The following MPDZ variants were observed in gnomAD, a reference collection of about 807,000 sequenced individuals.
The protein encoded by MPDZ is multiple PDZ domain crumbs cell polarity complex component, also known as multiple PDZ domain protein.
A neutral mutation model predicts 239.1 loss-of-function variants in MPDZ; 234 were observed. The ratio of observed to expected loss-of-function variants is 0.98; its 90% CI spans 0.88 to 1.09. The LOEUF is 1.09. Among genes scored for constraint, MPDZ ranks in the 50% least tolerant of loss-of-function variants. The pLI is 0.00. For synonymous variants in MPDZ, 1,048 were observed against 881.3 expected (o/e 1.19, Z -3.35); for missense variants, 3,175 against 2,510.0 (o/e 1.26, Z -5.66).
At chr9:13,172,490 C>A (rs1430573773) in intron 21 of MPDZ, among the ~76,000 whole-genome samples, 1 of 151,254 alleles carries the variant, frequency 6.6e-6, no homozygotes, top group Non-Finnish European at 1.5e-5. Flanking sequence ...TCAAGGGATT[C>A]TCCTGCCTCA....
At position 13,158,088 on chromosome 9, in the gene MPDZ, G is replaced by A. The variant is rs369652298; in HGVS notation, c.3382C>T (p.Arg1128Ter). The A allele has an allele frequency of 1.2e-5, 19 of 1,612,204 alleles. No individual in the cohort carries two copies. Among genetic ancestry groups the A allele is most frequent in the Non-Finnish European group, 1.4e-5 (17 of 1,178,998 alleles). Reference sequence around the variant, plus strand: ...CTTTCTTCACCCTCTCCCTCTTCTCGCTCTGGTAATTCTGGAATGTCTCTG... The same window carrying A: ...CTTTCTTCACCCTCTCCCTCTTCTCACTCTGGTAATTCTGGAATGTCTCTG... ...TGRDIPELPE[R>*]EEGEGEESEL... Residue 1128 changes from arginine (R) to a stop codon, truncating the protein, a stop_gained, in exon 24 of 47, where the codon CGA (arginine) becomes TGA (stop). Transcript: ENST00000319217. LOFTEE classifies it high-confidence loss of function.
intron 24 of MPDZ, among the ~76,000 whole-genome samples, chr9:13,153,381 T>C (rs1949437836): frequency 1.3e-5 from 2 of 152,196 alleles, no homozygotes; most frequent in Non-Finnish European, 2.9e-5. Flanking sequence ...CATTGTTTTC[T>C]CTTACTCCAG....
chr9:13,250,592 G>A (rs548337591), intron 1 of MPDZ, among the ~76,000 whole-genome samples: 5 of 152,230 alleles, frequency 3.3e-5, no homozygotes, highest in African/African-American at 1.2e-4. Flanking sequence ...CTTGCATAAG[G>A]TAAAAGACAT....
At chr9:13,275,929 CA>C (rs1480230279) in intron 1 of MPDZ, among the ~76,000 whole-genome samples, 1 of 152,094 alleles carries the variant, frequency 6.6e-6, no homozygotes, top group Admixed American at 6.6e-5. Context: ...TACTTCATAT[CA>C]AAAAAACTTT....
intron 1 of MPDZ, among the ~76,000 whole-genome samples, chr9:13,272,719 AAAG>A (rs1215839979): frequency 2.6e-5 from 4 of 151,640 alleles, no homozygotes; most frequent in Admixed American, 6.6e-5. Flanking sequence ...AAAAAAAAAA[AAAG>A]AAGAACAAAA....
rs753476262 is a variant in MPDZ at position 13,142,228 on chromosome 9, GAACA to G, written c.3840+1234_3840+1237del. Among the ~76,000 whole-genome samples, 243 of 151,996 alleles carry G rather than the reference GAACA, an allele frequency of 1.6e-3. 1 individual carries two copies. The highest frequency in any genetic ancestry group is 3.4e-3 in the Middle Eastern group (1 of 292). ...TAATTTTTCTGAGCTGTTATTTTAA[GAACA>G]AACAAACAAACAAACAAAACCTGCT... On this transcript the variant is annotated intron_variant, in intron 27 of 46. Transcript: ENST00000319217.
chr9:13,147,470 C>G, intron 26 of MPDZ, 78 bp downstream of exon 26: 1 of 1,057,932 alleles, frequency 9.5e-7, no homozygotes, highest in Non-Finnish European at 1.5e-6. Flanking sequence ...CTCATACAGA[C>G]AACTTGGCCC....
At chr9:13,204,951 CAT>C (rs1456319190) in intron 12 of MPDZ, 83 bp downstream of exon 12, 71 of 867,580 alleles carry the variant, frequency 8.2e-5, no homozygotes, top group Non-Finnish European at 1.2e-4. Flanking sequence ...ACAATATATC[CAT>C]AGAGGCTTAA....
chr9:13,165,680 T>G (rs1950992413), intron 22 of MPDZ, among the ~76,000 whole-genome samples: 1 of 152,136 alleles, frequency 6.6e-6, no homozygotes, highest in Admixed American at 6.6e-5. Flanking sequence ...TCCCACACTT[T>G]AGGTTAAGGC....
intron 3 of MPDZ, among the ~76,000 whole-genome samples, chr9:13,235,883 C>A (rs1216706476): frequency 6.6e-6 from 1 of 151,986 alleles, no homozygotes; most frequent in Non-Finnish European, 1.5e-5. Context: ...ATGTAAGACT[C>A]TGACTTTTCC....
chr9:13,186,426 C>G (rs928786794), intron 17 of MPDZ, 40 bp from the exon 18 acceptor site: 1 of 1,352,614 alleles, frequency 7.4e-7, no homozygotes, highest in South Asian at 1.3e-5. Context: ...AGAGAGAGAA[C>G]AGCAAAGAAG....
At chr9:13,124,410 G>C (rs1377921976) in intron 35 of MPDZ, among the ~76,000 whole-genome samples, 2 of 152,064 alleles carry the variant, frequency 1.3e-5, no homozygotes, top group East Asian at 3.8e-4. Context: ...TTAAAAAACT[G>C]TTAAAAGAAC....
chr9:13,219,810 A>G (rs1472259660), intron 7 of MPDZ, 42 bp from the exon 8 acceptor site: 10 of 1,570,278 alleles, frequency 6.4e-6, no homozygotes, highest in Admixed American at 5.1e-5. Flanking sequence ...TTATTATTTT[A>G]ACTGCAACAG....
intron 18 of MPDZ, among the ~76,000 whole-genome samples, chr9:13,184,363 T>G (rs1953800703): frequency 6.6e-6 from 1 of 151,984 alleles, no homozygotes; most frequent in Non-Finnish European, 1.5e-5. Context: ...ACTACCTTTC[T>G]CTGATACTAC....
intron 1 of MPDZ, among the ~76,000 whole-genome samples, chr9:13,277,079 T>C (rs1461391346): frequency 6.6e-6 from 1 of 152,218 alleles, no homozygotes; most frequent in East Asian, 1.9e-4. Context: ...CCAGCCTCTA[T>C]TCCTCACAGT....
chr9:13,138,091 C>T lies in MPDZ; in HGVS notation c.4066G>A (p.Gly1356Ser). ...GELHMIELEK[G>S]HSGLGLSLAG... is the part of the protein sequence containing the mutation. ...AGACTTAGGCCCAAACCACTATGACCTTTCTCCAGTTCAATCATATGCAGC... is the reference window on the plus strand; with the variant it reads ...AGACTTAGGCCCAAACCACTATGACTTTTCTCCAGTTCAATCATATGCAGC... Residue 1356 changes from glycine to serine, a missense_variant, in exon 29 of 47, where the codon GGT becomes AGT. Coordinates refer to ENST00000319217, the MANE Select transcript of MPDZ (RefSeq NM_001378778.1). 6.2e-7 allele frequency: 1 copy of T among 1,613,374 alleles called. No homozygotes were observed. Among genetic ancestry groups the T allele is most frequent in the Admixed American group, 1.7e-5 (1 of 59,958 alleles).
intron 39 of MPDZ, among the ~76,000 whole-genome samples, chr9:13,116,814 G>T (rs1327212151): frequency 6.6e-6 from 1 of 152,024 alleles, no homozygotes; most frequent in African/African-American, 2.4e-5. Flanking sequence ...GGGAAGAAAA[G>T]GACCCATAAG....
chr9:13,217,009 T>G, intron 9 of MPDZ, 147 bp from the exon 10 acceptor site: 1 of 818,972 alleles, frequency 1.2e-6, no homozygotes, highest in Non-Finnish European at 1.9e-6. Flanking sequence ...ATAATTGTTT[T>G]GTCTGTCTTA....
chr9:13,203,649 A>C (rs1418093728), intron 12 of MPDZ, among the ~76,000 whole-genome samples: 1 of 151,886 alleles, frequency 6.6e-6, no homozygotes, highest in African/African-American at 2.4e-5. Context: ...AAAGTCACTT[A>C]GAAGTTTGTG....
Sources: gnomAD v4.1 joint callset for allele counts (sites outside exome capture counted in the v4.1 genomes callset) on GRCh38, gnomAD v4.1.1 for gene constraint, MANE v1.5 for transcripts, NCBI Gene and HGNC (gene_info 2026-07-23, HGNC 2026-07-21) for gene names.